GPR179: variants seen among roughly 807,000 people sequenced by gnomAD.
The protein encoded by GPR179 is probable G protein-coupled receptor 179.
GPR179 carries 52 observed loss-of-function variants against 70.8 expected under a neutral mutation model. The ratio of observed to expected loss-of-function variants is 0.73; its 90% CI spans 0.59 to 0.93. GPR179 has a LOEUF of 0.93. Among genes scored for constraint, GPR179 ranks in the 40% least tolerant of loss-of-function variants. The pLI is 0.00. For synonymous variants in GPR179, 1,123 were observed against 1,169.0 expected (o/e 0.96, Z 0.80); for missense variants, 2,734 against 2,966.8 (o/e 0.92, Z 1.82).
chr17:38,327,124 A>G lies in GPR179; in HGVS notation c.6445T>C (p.Ser2149Pro), dbSNP rs767461028. ...AAEEGEQERE[S>P]QGQGEMFLQK... is the part of the protein sequence containing the mutation. ...AGGAACATCTCTCCTTGCCCTTGTG[A>G]TTCTCTTTCCTGTTCCCCTTCCTCT... Residue 2149 changes from serine (S) to proline (P), a missense_variant, in exon 11 of 11, where the codon TCA (serine) becomes CCA (proline). By Grantham distance (74) the Ser-to-Pro change is moderately conservative (BLOSUM62 -1). Coordinates refer to ENST00000616987, the MANE Select transcript of GPR179 (RefSeq NM_001004334.4). The G allele has an allele frequency of 6.1e-5, 98 of 1,613,880 alleles. 1 individual carries two copies. Among genetic ancestry groups the G allele is most frequent in the Non-Finnish European group, 7.8e-5 (92 of 1,180,008 alleles).
chr17:38,343,856 T>C lies in GPR179; in HGVS notation c.-67A>G. 2 of 1,332,310 alleles carry C rather than the reference T, an allele frequency of 1.5e-6. No homozygotes were observed. Among genetic ancestry groups the C allele is most frequent in the Non-Finnish European group, 2.0e-6 (2 of 1,005,644 alleles). 82.5% of individuals were successfully genotyped at this position (1,332,310 alleles called of 1,614,324 possible). On this transcript the variant is annotated 5_prime_UTR_variant, in exon 1 of 11. Transcript: ENST00000616987. The surrounding 1 kb of genome is among the most constrained non-coding windows in gnomAD (Gnocchi z 4.2). ...GAGCCCAGGCAGAGGCTGGCTGCAG[T>C]CTGGGGGCTGTCGGCCTCCACGCCT...
Position 38,343,701 on chromosome 17 carries a change from C to T in GPR179, c.89G>A (p.Arg30Gln), listed in dbSNP as rs1025206920. 1.7e-5 allele frequency: 27 copies of T among 1,600,540 alleles called. No individual in the cohort carries two copies. The highest frequency in any genetic ancestry group is 8.4e-5 in the Admixed American group (5 of 59,206). The change falls in exon 1 of 11, where the codon CGG (arginine) becomes CAG (glutamine). Residue 30 changes from arginine to glutamine, a missense_variant. Arg to Gln is a conservative substitution (Grantham distance 43, BLOSUM62 1). Coordinates refer to ENST00000616987, the MANE Select transcript of GPR179 (RefSeq NM_001004334.4). The surrounding 1 kb of genome is among the most constrained non-coding windows in gnomAD (Gnocchi z 4.2). ...FVCAWALGGP[R>Q]PIRSLPPLSS... Reference sequence around the variant, plus strand: ...CAGAGGGGGCAGAGAGCGGATGGGCCGTGGACCCCCCAGAGCCCAGGCACA... The same window carrying T: ...CAGAGGGGGCAGAGAGCGGATGGGCTGTGGACCCCCCAGAGCCCAGGCACA...
In GPR179 at chr17:38,329,754, C is replaced by T. The variant is rs1242994254; in HGVS notation, c.3815G>A (p.Gly1272Glu). 3 of 1,614,032 alleles carry T rather than the reference C, an allele frequency of 1.9e-6. No homozygotes were observed. Among genetic ancestry groups the T allele is most frequent in the Non-Finnish European group, 2.5e-6 (3 of 1,180,042 alleles). Residue 1272 changes from glycine to glutamate, a missense_variant, in exon 11 of 11, where the codon GGA (glycine) becomes GAA (glutamate). Physicochemically the swap from Gly to Glu is moderately conservative, Grantham distance 98. Coordinates refer to ENST00000616987, the MANE Select transcript of GPR179 (RefSeq NM_001004334.4). ...AEICPWETSE[G>E]APESRALRQD... ...TCTTAGTGCCCTCGACTCTGGGGCT[C>T]CTTCACTCGTCTCCCAGGGGCAGAT...
chr17:38,329,793 C>T lies in GPR179; in HGVS notation c.3776G>A (p.Gly1259Asp), dbSNP rs961024732. The T allele has an allele frequency of 6.2e-7, 1 of 1,613,998 alleles. No individual in the cohort carries two copies. Among genetic ancestry groups the T allele is most frequent in the African/African-American group, 1.3e-5 (1 of 74,894 alleles). The change falls in exon 11 of 11, where the codon GGC (glycine) becomes GAC (aspartate). Residue 1259 changes from glycine to aspartate, a missense_variant. By Grantham distance (94) the Gly-to-Asp change is moderately conservative. Coordinates refer to ENST00000616987, the MANE Select transcript of GPR179 (RefSeq NM_001004334.4). ...TESETRQPDS[G>D]NKAEICPWET... ...CCAGGGGCAGATTTCGGCCTTGTTG[C>T]CACTGTCTGGCTGACGCGTTTCTGA...
At chr17:38,333,458 C>T in intron 9 of GPR179, 61 bp from the exon 10 acceptor site, 1 of 1,515,408 alleles carries the variant, frequency 6.6e-7, no homozygotes, top group Non-Finnish European at 8.9e-7. Flanking sequence ...CACTCCTGCA[C>T]TCACCTGCCC....
rs1567721570 is a variant in GPR179 at position 38,326,779 on chromosome 17, T to C, written c.6790A>G (p.Arg2264Gly). The change falls in exon 11 of 11, where the codon AGA (arginine) becomes GGA (glycine). Residue 2264 changes from arginine to glycine, a missense_variant. Physicochemically the swap from Arg to Gly is moderately radical, Grantham distance 125. Transcript: ENST00000616987. Reference protein sequence around the residue: ...SGLLALTATRREFFPTAPEKP... With the variant: ...SGLLALTATRGEFFPTAPEKP... ...TCAGGAGCTGTGGGGAAAAATTCTC[T>C]CCGAGTTGCTGTTAAAGCCAGGAGG... The C allele has an allele frequency of 1.2e-6, 2 of 1,614,086 alleles. No individual in the cohort carries two copies. The highest frequency in any genetic ancestry group is 2.2e-5 in the South Asian group (2 of 91,088).
chr17:38,342,949 C>A lies in GPR179; in HGVS notation c.794+47G>T, dbSNP rs369727980. 176 of 1,527,192 alleles carry A rather than the reference C, an allele frequency of 1.2e-4. No individual in the cohort carries two copies. The African/African-American group carries it at 1.6e-3, about 14-fold the overall frequency. The allele number at this position is 1,527,192 out of a possible 1,614,324, so 94.6% of individuals were successfully genotyped here. On this transcript the variant is annotated intron_variant, in intron 1 of 10. Transcript: ENST00000616987. ...CAGCTGAGGGGACCTGTACTTCCTT[C>A]CCCTACATCCCCACACATGCATCAA...
rs1195595529 is a variant in GPR179, at chr17:38,335,260, A to G, written c.1418T>C (p.Leu473Pro). ...CCGCTGGGCCGTTCGAGACAGAAAC[A>G]GCTGCAGCACTCTGCGAGGGTTAGA... The part of the protein sequence containing the change: ...IILKLYRVLQ[L>P]FLSRTAQRSA... The change falls in exon 7 of 11, where the codon CTG becomes CCG. Residue 473 changes from leucine (L) to proline (P), a missense_variant. Coordinates refer to ENST00000616987, the MANE Select transcript of GPR179 (RefSeq NM_001004334.4). 1 of 1,550,746 alleles carries G rather than the reference A, an allele frequency of 6.4e-7. No homozygotes were observed. The highest frequency in any genetic ancestry group is 1.2e-5 in the South Asian group (1 of 84,052).
At position 38,343,100 on chromosome 17, in the gene GPR179, A is replaced by T. The variant is rs778525650; in HGVS notation, c.690T>A (p.Ser230=). 7 of 1,614,124 alleles carry T rather than the reference A, an allele frequency of 4.3e-6. No individual in the cohort carries two copies. The highest frequency in any genetic ancestry group is 5.9e-6 in the Non-Finnish European group (7 of 1,179,990). ...YVGDTQQVRL[S]PPFLECQEGR... is the part of the protein sequence containing the mutation. ...CCTCCTGGCATTCCAGGAAAGGAGGAGACAGCCTCACCTGCTGCGTGTCCC... is the reference window on the plus strand; with the variant it reads ...CCTCCTGGCATTCCAGGAAAGGAGGTGACAGCCTCACCTGCTGCGTGTCCC... The change falls in exon 1 of 11, where the codon TCT becomes TCA. Residue 230 remains serine (S), a synonymous_variant. Coordinates refer to ENST00000616987, the MANE Select transcript of GPR179 (RefSeq NM_001004334.4). The surrounding 1 kb of genome is among the most constrained non-coding windows in gnomAD (Gnocchi z 4.2).
At chr17:38,339,643 G>A in intron 1 of GPR179, 118 bp from the exon 2 acceptor site, 1 of 712,390 alleles carries the variant, frequency 1.4e-6, no homozygotes, top group South Asian at 1.7e-5. Context: ...TTGGCATGCT[G>A]AGGACTTTGA....
At position 38,330,271 on chromosome 17, in the gene GPR179, T is replaced by G; in HGVS notation, c.3298A>C (p.Thr1100Pro). Residue 1100 changes from threonine (T) to proline (P), a missense_variant, in exon 11 of 11, where the codon ACC (threonine) becomes CCC (proline). Transcript: ENST00000616987. ...TCCACACTCTCCTTCTCTCTGTAGGTGCTCCGAGAACGGGTCAGAGCTTTA... is the reference window on the plus strand; with the variant it reads ...TCCACACTCTCCTTCTCTCTGTAGGGGCTCCGAGAACGGGTCAGAGCTTTA... ...AIKALTRSRSTYREKESVEES... is the reference protein window; with the variant it reads ...AIKALTRSRSPYREKESVEES... The G allele has an allele frequency of 6.2e-7, 1 of 1,602,394 alleles. No individual in the cohort carries two copies. Among genetic ancestry groups the G allele is most frequent in the Admixed American group, 1.7e-5 (1 of 58,672 alleles).
At chr17:38,340,950 A>C (rs1188451186) in intron 1 of GPR179, among the ~76,000 whole-genome samples, 1 of 151,876 alleles carries the variant, frequency 6.6e-6, no homozygotes, top group East Asian at 1.9e-4. Context: ...AACAAACAAA[A>C]AACTTTGATT....
chr17:38,339,580 G>T, intron 1 of GPR179, 55 bp from the exon 2 acceptor site: 1 of 1,268,942 alleles, frequency 7.9e-7, no homozygotes, highest in Non-Finnish European at 1.2e-6. Context: ...AAGTGGACGT[G>T]TGTCCCTGGG....
rs2037354295 is a variant in GPR179, at chr17:38,331,138, G to A, written c.2431C>T (p.Pro811Ser). The stretch of plus-strand genomic sequence containing the variant: ...CTGGCTGACCTGAAGCCCAGGGCAG[G>A]GGGCCCCTCCACCGACTCCCGGCTC... ...TESRESVEGP[P>S]ALGFRSASAH... The change falls in exon 11 of 11, where the codon CCT becomes TCT. Residue 811 changes from proline to serine, a missense_variant. Physicochemically the swap from Pro to Ser is moderately conservative, Grantham distance 74 (BLOSUM62 -1). Coordinates refer to ENST00000616987, the MANE Select transcript of GPR179 (RefSeq NM_001004334.4). 2.5e-6 allele frequency: 4 copies of A among 1,605,250 alleles called. No homozygotes were observed. Among genetic ancestry groups the A allele is most frequent in the Non-Finnish European group, 3.4e-6 (4 of 1,179,738 alleles).
At chr17:38,337,271 C>T in intron 3 of GPR179, 58 bp from the exon 4 acceptor site, 1 of 1,517,132 alleles carries the variant, frequency 6.6e-7, no homozygotes, top group Admixed American at 2.0e-5. Flanking sequence ...CCTGACATCC[C>T]AGCCTTTTCC....
In GPR179 at chr17:38,333,323, G is replaced by C; in HGVS notation, c.1965C>G (p.His655Gln). The change falls in exon 10 of 11, where the codon CAC becomes CAG. Residue 655 changes from histidine to glutamine, a missense_variant. Coordinates refer to ENST00000616987, the MANE Select transcript of GPR179 (RefSeq NM_001004334.4). ...TGCTGCTGCCAAGGTAGGAGCCTGA[G>C]TGCTGCAGGTCCAGCTCGTCCTCAC... ...EVCEDELDLQ[H>Q]SGSYLGSSIA... The C allele has an allele frequency of 1.2e-6, 2 of 1,614,084 alleles. No homozygotes were observed. The highest frequency in any genetic ancestry group is 2.2e-5 in the South Asian group (2 of 91,080).
Position 38,326,900 on chromosome 17 carries a change from T to G in GPR179, c.6669A>C (p.Gln2223His), listed in dbSNP as rs368207971. ...SMGSRMAELC[Q>H]WEITDPEGNK... ...TTCCTTCTGGATCTGTGATTTCCCA[T>G]TGGCACAGCTCTGCCATCCTGCTTC... The change falls in exon 11 of 11, where the codon CAA becomes CAC. Residue 2223 changes from glutamine (Q) to histidine (H), a missense_variant. Coordinates refer to ENST00000616987, the MANE Select transcript of GPR179 (RefSeq NM_001004334.4). The G allele has an allele frequency of 6.2e-7, 1 of 1,614,070 alleles. No individual in the cohort carries two copies. Among genetic ancestry groups the G allele is most frequent in the Non-Finnish European group, 8.5e-7 (1 of 1,180,042 alleles).
At position 38,337,072 on chromosome 17, in the gene GPR179, G is replaced by A. The variant is rs192426710; in HGVS notation, c.1133C>T (p.Ala378Val). Reference sequence around the variant, plus strand: ...GGCCAGCACAGCGGCCCGCAGCACCGCGGCCTCTTCCACCAGGCACGGTGT... The same window carrying A: ...GGCCAGCACAGCGGCCCGCAGCACCACGGCCTCTTCCACCAGGCACGGTGT... ...DATPCLVEEA[A>V]VLRAAVLACQ... The change falls in exon 4 of 11, where the codon GCG becomes GTG. Residue 378 changes from alanine (A) to valine (V), a missense_variant. Coordinates refer to ENST00000616987, the MANE Select transcript of GPR179 (RefSeq NM_001004334.4). 1,935 of 1,608,882 alleles carry A rather than the reference G, an allele frequency of 1.2e-3. 5 individuals carry two copies. The highest frequency in any genetic ancestry group is 1.3e-3 in the Non-Finnish European group (1,555 of 1,178,260).
chr17:38,335,890 GCTC>G (rs1231326181), intron 5 of GPR179, among the ~76,000 whole-genome samples, 183 bp downstream of exon 5: 1 of 152,230 alleles, frequency 6.6e-6, no homozygotes, highest in Non-Finnish European at 1.5e-5. Flanking sequence ...AAGTCACAGA[GCTC>G]CTAATAAGCC....
Sources: allele counts gnomAD v4.1 joint callset (sites outside exome capture counted in the v4.1 genomes callset), GRCh38; gene constraint gnomAD v4.1.1; non-coding constraint Gnocchi (gnomAD v3.1); transcripts MANE v1.5; gene names NCBI Gene and HGNC (gene_info 2026-07-23, HGNC 2026-07-21).